Variants in QTMAN observed in about 807,000 individuals in gnomAD.
QTMAN encodes tRNA-queuosine alpha-mannosyltransferase.
the QTMAN span, among the ~76,000 whole-genome samples, chr2:143,999,550 C>T: frequency 6.6e-6 from 1 of 151,958 alleles, no homozygotes; most frequent in African/African-American, 2.4e-5. Flanking sequence ...ATGTATATAA[C>T]ATAAAAATAT....
At chr2:143,983,619 C>T in the QTMAN span, among the ~76,000 whole-genome samples, 4 of 151,876 alleles carry the variant, frequency 2.6e-5, no homozygotes, top group East Asian at 7.8e-4. Flanking sequence ...ACTACAGGTC[C>T]CCTGCCACCA....
the QTMAN span, among the ~76,000 whole-genome samples, chr2:144,287,506 C>A: frequency 6.6e-6 from 1 of 150,650 alleles, no homozygotes; most frequent in African/African-American, 2.4e-5. Flanking sequence ...TTGTAAAATA[C>A]CTCAGGCTGG....
At chr2:144,012,903 A>C in the QTMAN span, among the ~76,000 whole-genome samples, 1 of 152,126 alleles carries the variant, frequency 6.6e-6, no homozygotes, top group Non-Finnish European at 1.5e-5. Context: ...AAACTGGCCT[A>C]CATATGGGGC....
At chr2:144,315,158 T>A in the QTMAN span, among the ~76,000 whole-genome samples, 2 of 152,208 alleles carry the variant, frequency 1.3e-5, no homozygotes, top group Non-Finnish European at 2.9e-5. Context: ...GGGCTGAGAT[T>A]ACAGGCATGA....
At chr2:144,186,196 G>A in the QTMAN span, among the ~76,000 whole-genome samples, 1 of 152,110 alleles carries the variant, frequency 6.6e-6, no homozygotes. Flanking sequence ...TCCTATTAGA[G>A]GTACACACCT....
the QTMAN span, among the ~76,000 whole-genome samples, chr2:144,105,364 T>G: frequency 2.6e-5 from 4 of 152,172 alleles, no homozygotes; most frequent in African/African-American, 7.2e-5. Flanking sequence ...GAAAAAAGAT[T>G]AGACGAATGG....
At chr2:144,054,755 C>T in the QTMAN span, among the ~76,000 whole-genome samples, 1 of 152,132 alleles carries the variant, frequency 6.6e-6, no homozygotes, top group South Asian at 2.1e-4. Flanking sequence ...CTCCTAATCC[C>T]TGCCCGAGAT....
chr2:144,249,498 G>C, the QTMAN span, among the ~76,000 whole-genome samples: 1 of 152,150 alleles, frequency 6.6e-6, no homozygotes, highest in African/African-American at 2.4e-5. Context: ...GAGGGCATAA[G>C]GACAAGGCAA....
At chr2:144,182,777 C>A in the QTMAN span, among the ~76,000 whole-genome samples, 1 of 84,116 alleles carries the variant, frequency 1.2e-5, no homozygotes, top group Non-Finnish European at 2.5e-5. Flanking sequence ...AGCAAGTTAT[C>A]AGGTACATTA....
At chr2:144,150,297 T>G in the QTMAN span, among the ~76,000 whole-genome samples, 1 of 152,018 alleles carries the variant, frequency 6.6e-6, no homozygotes, top group East Asian at 1.9e-4. Flanking sequence ...TACCTAAGCC[T>G]TGGTTCTTTT....
chr2:143,976,432 TATGAA>T, the QTMAN span, among the ~76,000 whole-genome samples: 1 of 152,222 alleles, frequency 6.6e-6, no homozygotes, highest in Non-Finnish European at 1.5e-5. Flanking sequence ...TACTTCCCAT[TATGAA>T]ATAGCACTTC....
At chr2:144,210,268 C>G in the QTMAN span, among the ~76,000 whole-genome samples, 1 of 152,060 alleles carries the variant, frequency 6.6e-6, no homozygotes, top group African/African-American at 2.4e-5. Flanking sequence ...ATAGAGACAA[C>G]AGTACTAACC....
the QTMAN span, among the ~76,000 whole-genome samples, chr2:144,033,471 A>G: frequency 6.6e-6 from 1 of 152,202 alleles, no homozygotes; most frequent in African/African-American, 2.4e-5. Context: ...GGCATGGAGC[A>G]TCTATGCCCT....
the QTMAN span, among the ~76,000 whole-genome samples, chr2:144,128,815 GA>G: frequency 6.6e-6 from 1 of 151,974 alleles, no homozygotes; most frequent in African/African-American, 2.4e-5. Flanking sequence ...AAACTGAAAA[GA>G]GAATGAACCT....
At chr2:144,270,660 G>T in the QTMAN span, among the ~76,000 whole-genome samples, 2 of 151,680 alleles carry the variant, frequency 1.3e-5, no homozygotes, top group Non-Finnish European at 2.9e-5. Context: ...GCCGGGGGTG[G>T]GGGGGCAAGG....
At chr2:144,058,491 A>C in the QTMAN span, among the ~76,000 whole-genome samples, 1 of 152,232 alleles carries the variant, frequency 6.6e-6, no homozygotes, top group Non-Finnish European at 1.5e-5. Context: ...GTCTATTAAT[A>C]GGTTATTATA....
the QTMAN span, among the ~76,000 whole-genome samples, chr2:144,104,804 GCCT>G: frequency 1.3e-5 from 2 of 152,248 alleles, no homozygotes; most frequent in Admixed American, 6.5e-5. Context: ...CGGACAGACT[GCCT>G]CCTCAAGTGG....
chr2:144,079,444 T>C, the QTMAN span, among the ~76,000 whole-genome samples: 1 of 152,164 alleles, frequency 6.6e-6, no homozygotes, highest in Non-Finnish European at 1.5e-5. Context: ...ATATTATAGA[T>C]TGTTTGAAAA....
the QTMAN span, among the ~76,000 whole-genome samples, chr2:144,024,490 T>C: frequency 6.6e-6 from 1 of 152,192 alleles, no homozygotes; most frequent in Admixed American, 6.5e-5. Context: ...GGTTTGCATA[T>C]GTGAAGTGGA....
Sources: gnomAD v4.1 joint callset for allele counts (sites outside exome capture counted in the v4.1 genomes callset) on GRCh38, gnomAD v4.1.1 for gene constraint, MANE v1.5 for transcripts, NCBI Gene and HGNC (gene_info 2026-07-23, HGNC 2026-07-21) for gene names.